NCKAP5: variants seen among roughly 807,000 people sequenced by gnomAD.
NCKAP5 encodes the protein NCK associated protein 5.
Under a neutral mutation model 167.0 loss-of-function variants are expected in NCKAP5, and 92 were observed. That is an observed-to-expected ratio of 0.55 (90% CI 0.47 to 0.66). The LOEUF is 0.66. Among genes scored for constraint, NCKAP5 ranks in the 30% least tolerant of loss-of-function variants. The pLI, the probability that NCKAP5 is intolerant of heterozygous loss-of-function variation, is 0.00. For synonymous variants in NCKAP5, 891 were observed against 877.4 expected, an observed-to-expected ratio of 1.02 and a Z score of -0.27; for missense variants, 2,378 against 2,315.0, an observed-to-expected ratio of 1.03 and a Z score of -0.56.
At chr2:133,318,840 TACCCTTAGCCTCCACTGAAC>T (rs1319537025) in intron 3 of NCKAP5, among the ~76,000 whole-genome samples, 56 of 152,248 alleles carry the variant, frequency 3.7e-4, no homozygotes, top group African/African-American at 1.3e-3. Flanking sequence ...GACCAAATGG[TACCCTTAGCCTCCACTGAAC>T]ACCCACTTCA....
chr2:132,946,670 G>A (rs1697760271), intron 8 of NCKAP5, among the ~76,000 whole-genome samples: 1 of 152,160 alleles, frequency 6.6e-6, no homozygotes, highest in Non-Finnish European at 1.5e-5. Flanking sequence ...GCCGAGGGGG[G>A]TGGATCACTT....
chr2:133,232,587 T>C (rs1043560685), intron 4 of NCKAP5, among the ~76,000 whole-genome samples: 6 of 152,200 alleles, frequency 3.9e-5, no homozygotes, highest in African/African-American at 1.4e-4. Flanking sequence ...AAGACCGTTG[T>C]GTGTGACACC....
At chr2:133,112,776 A>C (rs1301381588) in intron 6 of NCKAP5, among the ~76,000 whole-genome samples, 3 of 152,206 alleles carry the variant, frequency 2.0e-5, no homozygotes, top group Non-Finnish European at 4.4e-5. Context: ...TTATTGTCAG[A>C]ACTACCCTAT....
Position 133,063,571 on chromosome 2 carries a change from G to A in NCKAP5, c.341+66407C>T, listed in dbSNP as rs185626098. Among the ~76,000 whole-genome samples the A allele has an allele frequency of 2.5e-4, 38 of 152,306 alleles. No individual in the cohort carries two copies. The Middle Eastern group carries it at 0.01, about 41-fold the overall frequency. ...ATGTGACGAAAAGCTGAGAAGCTCT[G>A]TGACTAGCACAAAGAAAAACTCATC... On this transcript the variant is annotated intron_variant, in intron 6 of 19. Coordinates refer to ENST00000409261, the MANE Select transcript of NCKAP5 (RefSeq NM_207363.3).
chr2:133,407,255 G>T (rs1235409264), intron 3 of NCKAP5, among the ~76,000 whole-genome samples: 1 of 152,224 alleles, frequency 6.6e-6, no homozygotes, highest in East Asian at 1.9e-4. Flanking sequence ...GAACACAAAA[G>T]TGTTTGCTGT....
chr2:133,358,629 G>T (rs1440620205), intron 3 of NCKAP5, among the ~76,000 whole-genome samples: 1 of 152,070 alleles, frequency 6.6e-6, no homozygotes, highest in African/African-American at 2.4e-5. Flanking sequence ...TTGTTCTTTT[G>T]CCCATCTCCA....
intron 7 of NCKAP5, among the ~76,000 whole-genome samples, chr2:132,986,232 G>A (rs1305943628): frequency 1.3e-5 from 2 of 152,278 alleles, no homozygotes; most frequent in East Asian, 3.9e-4. Flanking sequence ...AGCATGTGCT[G>A]GAGTGAGACT....
Position 133,479,584 on chromosome 2 carries a change from C to A in NCKAP5, c.69+37874G>T, listed in dbSNP as rs990338390. ...CCCTGACTTGCATATACATTCTATG[C>A]ATGTAACAAAATATCACATGTACTT... On this transcript the variant is annotated intron_variant, in intron 3 of 19. Transcript: ENST00000409261. Among the ~76,000 whole-genome samples, 3 of 152,192 alleles carry A rather than the reference C, an allele frequency of 2.0e-5. No homozygotes were observed. In the South Asian group the frequency reaches 6.2e-4, roughly 32 times the overall value.
intron 3 of NCKAP5, among the ~76,000 whole-genome samples, chr2:133,436,763 G>A (rs1324816147): frequency 1.3e-5 from 2 of 152,082 alleles, no homozygotes; most frequent in South Asian, 2.1e-4. Flanking sequence ...TGAACATCCT[G>A]TGCATAATTA....
At chr2:133,258,409 T>A (rs1274983696) in intron 4 of NCKAP5, among the ~76,000 whole-genome samples, 1 of 152,160 alleles carries the variant, frequency 6.6e-6, no homozygotes, top group Non-Finnish European at 1.5e-5. Context: ...TTTCCTAAGA[T>A]AGCCTCTACA....
chr2:132,759,657 C>A (rs1680835814), intron 16 of NCKAP5, among the ~76,000 whole-genome samples: 1 of 151,940 alleles, frequency 6.6e-6, no homozygotes, highest in Non-Finnish European at 1.5e-5. Flanking sequence ...TACCAGGTTT[C>A]TTTTCTTTAA....
At chr2:133,169,284 T>C (rs868428735) in intron 5 of NCKAP5, among the ~76,000 whole-genome samples, 6 of 152,302 alleles carry the variant, frequency 3.9e-5, no homozygotes, top group African/African-American at 1.2e-4. Context: ...ACCTCGATCT[T>C]GAAACCTCCA....
intron 3 of NCKAP5, among the ~76,000 whole-genome samples, chr2:133,483,056 A>C (rs981296111): frequency 6.6e-6 from 1 of 152,174 alleles, no homozygotes; most frequent in African/African-American, 2.4e-5. Flanking sequence ...ACTGAGTTCA[A>C]GTATTTTTAA....
intron 3 of NCKAP5, among the ~76,000 whole-genome samples, chr2:133,354,055 T>A (rs1290378697): frequency 6.6e-6 from 1 of 152,204 alleles, no homozygotes; most frequent in African/African-American, 2.4e-5. Flanking sequence ...AACACACAGC[T>A]ACTTGGGCTC....
chr2:132,685,036 C>G (rs1685754393), intron 19 of NCKAP5, among the ~76,000 whole-genome samples: 1 of 152,166 alleles, frequency 6.6e-6, no homozygotes. Flanking sequence ...CTTCTTTTCC[C>G]TTTAAAGTGT....
chr2:133,041,342 T>C (rs941164001), intron 6 of NCKAP5, among the ~76,000 whole-genome samples: 1 of 152,166 alleles, frequency 6.6e-6, no homozygotes, highest in African/African-American at 2.4e-5. Flanking sequence ...AGCCAGACAC[T>C]ATAATGAACA....
chr2:132,855,203 C>T (rs1689371877), intron 11 of NCKAP5, among the ~76,000 whole-genome samples: 1 of 152,208 alleles, frequency 6.6e-6, no homozygotes, highest in Non-Finnish European at 1.5e-5. Flanking sequence ...TTCTGCACGT[C>T]TGGCAGGTTA....
chr2:132,909,427 T>C (rs1337606751), intron 8 of NCKAP5, among the ~76,000 whole-genome samples: 1 of 152,232 alleles, frequency 6.6e-6, no homozygotes, highest in East Asian at 1.9e-4. Flanking sequence ...TCTCATTTGC[T>C]CCTTTTTAGA....
Position 132,878,706 on chromosome 2 carries a change from T to G in NCKAP5, c.648+142A>C, listed in dbSNP as rs565577093. The G allele has an allele frequency of 3.4e-5, 23 of 684,740 alleles. No homozygotes were observed. The African/African-American group carries it at 3.9e-4, about 12-fold the overall frequency. 42.4% of individuals were successfully genotyped at this position (684,740 alleles called of 1,614,324 possible). ...CCACACACACACACTTCCTTTTCAA[T>G]GGCTACATGTTTACTACATTTCTTT... is the stretch of plus-strand genomic sequence containing the variant. On this transcript the variant is annotated intron_variant, in intron 9 of 19. Coordinates refer to ENST00000409261, the MANE Select transcript of NCKAP5 (RefSeq NM_207363.3).
Sources: allele counts gnomAD v4.1 joint callset (sites outside exome capture counted in the v4.1 genomes callset), GRCh38; gene constraint gnomAD v4.1.1; transcripts MANE v1.5; gene names NCBI Gene and HGNC (gene_info 2026-07-23, HGNC 2026-07-21).